The following CACNA1C variants were observed in gnomAD, a reference collection of about 807,000 sequenced individuals.
CACNA1C encodes the protein calcium voltage-gated channel subunit alpha1 C.
CACNA1C carries 30 observed loss-of-function variants against 229.0 expected under a neutral mutation model. That is an observed-to-expected ratio of 0.13 (90% CI 0.10 to 0.18). CACNA1C has a LOEUF of 0.18. Among genes scored for constraint, CACNA1C ranks in the 10% least tolerant of loss-of-function variants. The pLI, the probability that CACNA1C is intolerant of heterozygous loss-of-function variation, is 1.00. For missense variants in CACNA1C, 1,658 were observed against 2,845.0 expected, an observed-to-expected ratio of 0.58 and a Z score of 9.49; for synonymous variants, 1,114 against 1,132.5, an observed-to-expected ratio of 0.98 and a Z score of 0.33.
At chr12:2,327,851 A>G (rs915922242) in intron 3 of CACNA1C, among the ~76,000 whole-genome samples, 1 of 152,214 alleles carries the variant, frequency 6.6e-6, no homozygotes, top group African/African-American at 2.4e-5. Context: ...GGACCTGCTG[A>G]GGTGAAATCA....
intron 3 of CACNA1C, among the ~76,000 whole-genome samples, chr12:2,291,303 A>C (rs1178718369): frequency 6.6e-6 from 1 of 152,172 alleles, no homozygotes; most frequent in East Asian, 1.9e-4. Flanking sequence ...AAAACAATCA[A>C]AATGGAACCC....
At chr12:2,364,014 G>T (rs2097652047) in intron 3 of CACNA1C, among the ~76,000 whole-genome samples, 1 of 152,200 alleles carries the variant, frequency 6.6e-6, no homozygotes, top group Admixed American at 6.5e-5. Flanking sequence ...TTGAGTGCCA[G>T]TTTAGCAGAG....
At chr12:2,535,756 AAGT>A (rs1378980550) in intron 9 of CACNA1C, among the ~76,000 whole-genome samples, 2 of 151,782 alleles carry the variant, frequency 1.3e-5, no homozygotes, top group African/African-American at 4.8e-5. Context: ...ACAACACATA[AAGT>A]AGCCAGATGG....
At chr12:2,457,820 G>T in intron 5 of CACNA1C, 114 bp downstream of exon 5, 1 of 937,252 alleles carries the variant, frequency 1.1e-6, no homozygotes, top group Non-Finnish European at 1.5e-6. Context: ...AAATGGAGGG[G>T]TTTTTGTTTT....
chr12:2,549,824 C>G (rs2099893835), intron 9 of CACNA1C, 119 bp from the exon 10 acceptor site: 1 of 721,540 alleles, frequency 1.4e-6, no homozygotes, highest in Admixed American at 2.0e-5. Context: ...GCGTGCTCAG[C>G]CTCTCTTTCT....
At chr12:2,568,183 C>G (rs2052297098) in intron 13 of CACNA1C, among the ~76,000 whole-genome samples, 1 of 152,108 alleles carries the variant, frequency 6.6e-6, no homozygotes, top group Non-Finnish European at 1.5e-5. Flanking sequence ...CCATCACATT[C>G]AAATTGGAGG....
At chr12:2,663,998 C>A (rs1480466613) in intron 34 of CACNA1C, among the ~76,000 whole-genome samples, 1 of 152,054 alleles carries the variant, frequency 6.6e-6, no homozygotes, top group Admixed American at 6.5e-5. Flanking sequence ...CCTCGGCCTC[C>A]CAAAGTGCTG....
intron 4 of CACNA1C, among the ~76,000 whole-genome samples, chr12:2,454,627 G>A (rs2099405440): frequency 6.6e-6 from 1 of 152,160 alleles, no homozygotes; most frequent in Non-Finnish European, 1.5e-5. Flanking sequence ...TACCTGGAAA[G>A]GGTCAAGAAA....
At chr12:2,635,467 A>ATT (rs2092414590) in intron 30 of CACNA1C, among the ~76,000 whole-genome samples, 1 of 152,178 alleles carries the variant, frequency 6.6e-6, no homozygotes, top group Non-Finnish European at 1.5e-5. Context: ...GAATAACAGC[A>ATT]CAGAGCAGAT....
chr12:2,075,945 T>G (rs1033852551), intron 1 of CACNA1C, among the ~76,000 whole-genome samples: 3 of 152,202 alleles, frequency 2.0e-5, no homozygotes, highest in Non-Finnish European at 4.4e-5. Context: ...TGTGCTTATC[T>G]GCATGCTCAG....
chr12:2,634,968 C>G (rs2092258975), intron 30 of CACNA1C, among the ~76,000 whole-genome samples: 2 of 152,172 alleles, frequency 1.3e-5, no homozygotes. Flanking sequence ...CATCAGCAGC[C>G]CATGCAGGCA....
chr12:2,424,224 G>A (rs888525872), intron 3 of CACNA1C, among the ~76,000 whole-genome samples: 4 of 152,194 alleles, frequency 2.6e-5, no homozygotes, highest in African/African-American at 9.7e-5. Context: ...ACCTCAATTA[G>A]CCAAATTCCT....
chr12:2,161,531 G>A lies in CACNA1C; in HGVS notation c.477+41101G>A, dbSNP rs1302745748. Among the ~76,000 whole-genome samples the A allele has an allele frequency of 2.0e-5, 3 of 152,244 alleles. No individual in the cohort carries two copies. In the South Asian group the frequency reaches 6.2e-4, roughly 31 times the overall value. Reference sequence around the variant, plus strand: ...ATCCAGACCCCATCACAGAGCCCATGGCAGCGGAGATAAATGCTTCGGCAA... The same window carrying A: ...ATCCAGACCCCATCACAGAGCCCATAGCAGCGGAGATAAATGCTTCGGCAA... On this transcript the variant is annotated intron_variant, in intron 3 of 46. Coordinates refer to ENST00000399655, the MANE Select transcript of CACNA1C (RefSeq NM_000719.7).
Position 2,215,804 on chromosome 12 carries a change from C to T in CACNA1C, c.477+95374C>T, listed in dbSNP as rs938173752. Among the ~76,000 whole-genome samples the T allele has an allele frequency of 6.6e-6, 1 of 152,186 alleles. No homozygotes were observed. Among genetic ancestry groups the T allele is most frequent in the Non-Finnish European group, 1.5e-5 (1 of 68,036 alleles). ...AAGAGCCCCAAGGTGAGTTGAAGGGCCCTGGAGCCCCAGGCCTGCCTGCCT... is the reference window on the plus strand; with the variant it reads ...AAGAGCCCCAAGGTGAGTTGAAGGGTCCTGGAGCCCCAGGCCTGCCTGCCT... On this transcript the variant is annotated intron_variant, in intron 3 of 46. Coordinates refer to ENST00000399655, the MANE Select transcript of CACNA1C (RefSeq NM_000719.7). This position sits in a 1 kb window ranked among gnomAD's most constrained non-coding sequence, Gnocchi z 5.0.
intron 3 of CACNA1C, among the ~76,000 whole-genome samples, chr12:2,389,502 T>C (rs1363013609): frequency 6.6e-6 from 1 of 152,184 alleles, no homozygotes. Flanking sequence ...AAAGGGAAGA[T>C]TGTGATCCTG....
At chr12:2,561,270 C>T (rs958087533) in intron 11 of CACNA1C, among the ~76,000 whole-genome samples, 2 of 152,338 alleles carry the variant, frequency 1.3e-5, no homozygotes, top group Admixed American at 6.5e-5. Context: ...AATGGGAACT[C>T]ATTTCCTCTG....
intron 3 of CACNA1C, among the ~76,000 whole-genome samples, chr12:2,352,524 C>A (rs1268123967): frequency 6.6e-6 from 1 of 152,180 alleles, no homozygotes; most frequent in African/African-American, 2.4e-5. Context: ...CCAGTAATGG[C>A]CTCCTTTCTT....
At chr12:2,673,485 G>T (rs1019591694) in intron 38 of CACNA1C, among the ~76,000 whole-genome samples, 3 of 141,532 alleles carry the variant, frequency 2.1e-5, no homozygotes, top group Admixed American at 2.1e-4. Context: ...AAAAAAAAAA[G>T]ACACCCCGTT....
At chr12:2,552,146 C>T (rs528919232) in intron 10 of CACNA1C, among the ~76,000 whole-genome samples, 3 of 152,172 alleles carry the variant, frequency 2.0e-5, no homozygotes, top group Non-Finnish European at 2.9e-5. Flanking sequence ...GCCTGGAAGC[C>T]GCGGGAGGAG....
Sources: gnomAD v4.1 joint callset for allele counts (sites outside exome capture counted in the v4.1 genomes callset) on GRCh38, gnomAD v4.1.1 for gene constraint, Gnocchi (gnomAD v3.1) non-coding constraint, MANE v1.5 for transcripts, NCBI Gene and HGNC (gene_info 2026-07-23, HGNC 2026-07-21) for gene names.